Variants in STOX2 observed in about 807,000 individuals in gnomAD.
STOX2 encodes the protein storkhead box 2.
Under a neutral mutation model 60.9 loss-of-function variants are expected in STOX2, and 28 were observed. The observed-to-expected ratio is 0.46, with a 90% CI of 0.34 to 0.63. The LOEUF (loss-of-function observed/expected upper bound fraction) is 0.63, where lower values mean the gene tolerates loss of function less well. Ranked by LOEUF, STOX2 falls within the 30% of genes least tolerant of loss-of-function variation. STOX2 has a pLI of 0.01. For synonymous variants in STOX2, 472 were observed against 463.9 expected, an observed-to-expected ratio of 1.02 and a Z score of -0.22; for missense variants, 1,024 against 1,187.7, an observed-to-expected ratio of 0.86 and a Z score of 2.03.
intron 1 of STOX2, among the ~76,000 whole-genome samples, chr4:183,861,716 TG>T (rs1333888054): frequency 2.0e-5 from 3 of 152,178 alleles, no homozygotes; most frequent in African/African-American, 7.2e-5. Context: ...ATATGTAAAG[TG>T]CCTCGCAGGG....
At chr4:183,838,906 A>T (rs1314362087) in intron 1 of STOX2, among the ~76,000 whole-genome samples, 2 of 152,228 alleles carry the variant, frequency 1.3e-5, no homozygotes, top group Admixed American at 1.3e-4. Context: ...AGAGGTATAT[A>T]TGAGCAGTTT....
intron 1 of STOX2, among the ~76,000 whole-genome samples, chr4:183,872,669 C>A (rs1411512226): frequency 1.3e-5 from 2 of 152,166 alleles, no homozygotes; most frequent in Non-Finnish European, 2.9e-5. Context: ...AAGCATATGA[C>A]ATAGCTGTTG....
At chr4:183,896,930 A>G (rs1741351337) in intron 1 of STOX2, among the ~76,000 whole-genome samples, 1 of 152,186 alleles carries the variant, frequency 6.6e-6, no homozygotes, top group Non-Finnish European at 1.5e-5. Context: ...CAAGGAACCC[A>G]CCAATATTGT....
chr4:183,957,331 T>G (rs1284981745), intron 1 of STOX2, among the ~76,000 whole-genome samples: 1 of 152,150 alleles, frequency 6.6e-6, no homozygotes, highest in Admixed American at 6.5e-5. Flanking sequence ...ATTTTGAGGC[T>G]GTATGAATAG....
At chr4:184,015,895 C>G (rs1734350605) in intron 3 of STOX2, 1 of 152,170 alleles carries the variant, frequency 6.6e-6, no homozygotes, top group Non-Finnish European at 1.5e-5. Flanking sequence ...CACAGGAAAG[C>G]TACTCAGTTC....
rs573461339 is a variant in STOX2, at chr4:183,806,482, C to T, written c.364+8427C>T. ...AGTCTGGGGCGCCCCATCTTCCTGC[C>T]GCCTGAGGTTGCTGCAGCCTTCTGT... On this transcript the variant is annotated intron_variant, in intron 1 of 2. Coordinates refer to the STOX2 transcript ENST00000513034. This position sits in a 1 kb window ranked among gnomAD's most constrained non-coding sequence, Gnocchi z 4.1. Among the ~76,000 whole-genome samples, 2 of 152,240 alleles carry T rather than the reference C, an allele frequency of 1.3e-5. No homozygotes were observed. Among genetic ancestry groups the T allele is most frequent in the South Asian group, 4.2e-4 (2 of 4,818 alleles).
In STOX2 at chr4:184,011,716, C is replaced by G. The variant is rs866417254; in HGVS notation, c.2585+293C>G. Reference sequence around the variant, plus strand: ...TTTCCAGTATTTTTTCTGCTACGTTCATATTGCCACCCATGCTAAGAGAAG... The same window carrying G: ...TTTCCAGTATTTTTTCTGCTACGTTGATATTGCCACCCATGCTAAGAGAAG... On this transcript the variant is annotated intron_variant, in intron 3 of 3. Transcript: ENST00000308497. The surrounding 1 kb of genome is among the most constrained non-coding windows in gnomAD (Gnocchi z 4.4). 6 of 1,026,926 alleles carry G rather than the reference C, an allele frequency of 5.8e-6. No homozygotes were observed. The highest frequency in any genetic ancestry group is 4.6e-4 in the Middle Eastern group (2 of 4,326). The allele number at this position is 1,026,926 out of a possible 1,614,324, so 63.6% of individuals were successfully genotyped here.
intron 1 of STOX2, among the ~76,000 whole-genome samples, chr4:183,984,297 C>G (rs147735758): frequency 3.3e-5 from 5 of 152,356 alleles, no homozygotes; most frequent in African/African-American, 1.2e-4. Context: ...CCATTGCTGA[C>G]TGTTTCGACC....
intron 1 of STOX2, among the ~76,000 whole-genome samples, chr4:183,945,718 A>G (rs996299227): frequency 2.0e-5 from 3 of 152,222 alleles, no homozygotes; most frequent in African/African-American, 7.2e-5. Context: ...GTTGTTTCCC[A>G]TCGTTGAGCA....
At chr4:183,939,626 T>C (rs1228786092) in intron 1 of STOX2, among the ~76,000 whole-genome samples, 2 of 151,892 alleles carry the variant, frequency 1.3e-5, no homozygotes. Flanking sequence ...TCACTATTTA[T>C]TGAGTGTTGT....
At chr4:183,862,789 C>T (rs557316068) in intron 1 of STOX2, among the ~76,000 whole-genome samples, 21 of 152,342 alleles carry the variant, frequency 1.4e-4, no homozygotes, top group South Asian at 4.1e-4. Flanking sequence ...GGAGGGATCG[C>T]GCCCCACCAC....
At chr4:183,973,315 C>A (rs1743796391) in intron 1 of STOX2, among the ~76,000 whole-genome samples, 1 of 151,886 alleles carries the variant, frequency 6.6e-6, no homozygotes, top group African/African-American at 2.4e-5. Flanking sequence ...ATATTGAAAG[C>A]AAATAGGGAA....
At chr4:183,868,990 G>A (rs937866773) in intron 1 of STOX2, among the ~76,000 whole-genome samples, 6 of 152,064 alleles carry the variant, frequency 3.9e-5, no homozygotes, top group Non-Finnish European at 5.9e-5. Flanking sequence ...AGATTCTTCT[G>A]ACTTTGATAT....
At chr4:183,918,941 A>C (rs541986246) in intron 1 of STOX2, among the ~76,000 whole-genome samples, 2 of 152,348 alleles carry the variant, frequency 1.3e-5, no homozygotes, top group South Asian at 4.2e-4. Context: ...CCTTCGCTGC[A>C]TCTACCCCCG....
chr4:183,862,581 G>A (rs186289342), intron 1 of STOX2, among the ~76,000 whole-genome samples: 147 of 152,358 alleles, frequency 9.6e-4, no homozygotes, highest in Non-Finnish European at 2.4e-4. Context: ...AAGACCCAGG[G>A]AGGAGCTGTC....
chr4:183,992,211 A>G (rs1198686582), intron 1 of STOX2, among the ~76,000 whole-genome samples: 1 of 152,128 alleles, frequency 6.6e-6, no homozygotes. Flanking sequence ...TAATTTGGGA[A>G]CTGTCAACCT....
At chr4:183,886,348 AG>A (rs35766551) in intron 1 of STOX2, among the ~76,000 whole-genome samples, 51,246 of 113,952 alleles carry the variant, frequency 0.45, 16,303 homozygotes, top group East Asian at 0.6. Flanking sequence ...CACAACAGAA[AG>A]GGGGGGGAAT....
intron 1 of STOX2, among the ~76,000 whole-genome samples, chr4:183,846,646 A>G (rs1413565927): frequency 6.6e-6 from 1 of 152,018 alleles, no homozygotes. Context: ...CTATTTTGTG[A>G]GACATCATTC....
chr4:183,943,680 C>A (rs1312955644), intron 1 of STOX2, among the ~76,000 whole-genome samples: 1 of 152,154 alleles, frequency 6.6e-6, no homozygotes, highest in Admixed American at 6.5e-5. Context: ...AGTTCGAGAC[C>A]AGCCTGGCCA....
Sources: gnomAD v4.1 joint callset for allele counts (sites outside exome capture counted in the v4.1 genomes callset) on GRCh38, gnomAD v4.1.1 for gene constraint, Gnocchi (gnomAD v3.1) non-coding constraint, MANE v1.5 for transcripts, NCBI Gene and HGNC (gene_info 2026-07-23, HGNC 2026-07-21) for gene names.